TBX22: variants seen among roughly 807,000 people sequenced by gnomAD.
The protein encoded by TBX22 is T-box transcription factor TBX22.
In TBX22, 8 loss-of-function variants were observed where a neutral mutation model predicts 30.1. The observed-to-expected ratio is 0.27, with a 90% CI of 0.16 to 0.48. The LOEUF is 0.48. Among genes scored for constraint, TBX22 ranks in the 20% least tolerant of loss-of-function variants. The pLI is 0.99. For synonymous variants in TBX22, 173 were observed against 149.1 expected, an observed-to-expected ratio of 1.16 and a Z score of -1.17; for missense variants, 463 against 400.5, an observed-to-expected ratio of 1.16 and a Z score of -1.33.
intron 1 of TBX22, among the ~76,000 whole-genome samples, chrX:80,017,280 T>TTGTGTGTG (rs3048747): frequency 0.03 from 2,809 of 93,903 alleles, 115 homozygotes; most frequent in African/African-American, 0.11. Context: ...GGTGTTGTTT[T>TTGTGTGTG]TGTGTGTGTG....
At position 80,031,027 on chromosome X, in the gene TBX22, A is replaced by C; in HGVS notation, c.1479A>C (p.Lys493Asn). ...TGATAAGTGGTTCCAACCATCTTAAAGTGAATGACGACAGTCAAGTTTCTT... is the reference window on the plus strand; with the variant it reads ...TGATAAGTGGTTCCAACCATCTTAACGTGAATGACGACAGTCAAGTTTCTT... ...SRLISGSNHL[K>N]VNDDSQVSFG... is the part of the protein sequence containing the mutation. Residue 493 changes from lysine to asparagine, a missense_variant, in exon 9 of 9, where the codon AAA becomes AAC. By Grantham distance (94) the Lys-to-Asn change is moderately conservative. Transcript: ENST00000373296. 8.3e-7 allele frequency: 1 copy of C among 1,211,466 alleles called. No homozygotes were observed. Among genetic ancestry groups the C allele is most frequent in the Non-Finnish European group, 1.1e-6 (1 of 894,924 alleles).
At chrX:80,025,094 G>C (rs1015011544) in intron 4 of TBX22, among the ~76,000 whole-genome samples, 1 of 112,235 alleles carries the variant, frequency 8.9e-6, no homozygotes, top group Non-Finnish European at 1.9e-5. Flanking sequence ...TTGGGAATAA[G>C]AGCAAAACTG....
intron 5 of TBX22, among the ~76,000 whole-genome samples, chrX:80,026,007 A>G (rs1037048502): frequency 1.8e-5 from 2 of 111,638 alleles, no homozygotes; most frequent in Non-Finnish European, 3.8e-5. Flanking sequence ...GTTTGAGGAC[A>G]GAAGGAGACC....
chrX:80,016,294 A>G (rs1923432677), intron 1 of TBX22, among the ~76,000 whole-genome samples: 1 of 111,784 alleles, frequency 8.9e-6, no homozygotes, highest in South Asian at 3.8e-4. Flanking sequence ...TGGTGGGCCC[A>G]ATGGAGTTCA....
rs1473335363 is a variant in TBX22, at chrX:80,027,329, C to T, written c.863+9C>T. The T allele has an allele frequency of 1.0e-6, 1 of 986,918 alleles. No individual in the cohort carries two copies. The highest frequency in any genetic ancestry group is 1.9e-5 in the African/African-American group (1 of 52,876). 81.3% of individuals were successfully genotyped at this position (986,918 alleles called of 1,213,427 possible). A position where few individuals can be genotyped will look rare whatever the true frequency, so the allele number is the denominator to read the frequency against. ...GATACTGGAAGAAACAGGTAAGCAGCATAGCAATGACATCTAATATTGATG... is the reference window on the plus strand; with the variant it reads ...GATACTGGAAGAAACAGGTAAGCAGTATAGCAATGACATCTAATATTGATG... On this transcript the variant is annotated intron_variant, in intron 7 of 8. Coordinates refer to ENST00000373296, the MANE Select transcript of TBX22 (RefSeq NM_001109878.2).
intron 1 of TBX22, among the ~76,000 whole-genome samples, chrX:80,019,760 A>G (rs1018021536): frequency 8.9e-6 from 1 of 111,864 alleles, no homozygotes; most frequent in Non-Finnish European, 1.9e-5. Flanking sequence ...ATTTTAGTCT[A>G]GTACATACAA....
chrX:80,027,722 G>T (rs1924049175), intron 7 of TBX22, among the ~76,000 whole-genome samples: 1 of 111,768 alleles, frequency 8.9e-6, no homozygotes. Context: ...AGACTCAAAA[G>T]CTCTAAGTTT....
chrX:80,026,678 A>G, intron 5 of TBX22, 26 bp from the exon 6 acceptor site: 1 of 1,209,295 alleles, frequency 8.3e-7, no homozygotes. Context: ...CAGTTTTTCT[A>G]ACAGCATTGA....
chrX:80,024,192 A>G (rs768372063), intron 4 of TBX22, 28 bp downstream of exon 4: 5 of 1,170,442 alleles, frequency 4.3e-6, no homozygotes, highest in East Asian at 3.0e-5. Flanking sequence ...ATGGTACTCT[A>G]TGCCCAGGCT....
chrX:80,020,337 G>GATGAT (rs1923632534), intron 1 of TBX22, among the ~76,000 whole-genome samples: 1 of 96,067 alleles, frequency 1.0e-5, no homozygotes, highest in African/African-American at 4.5e-5. Context: ...TAGATAGATA[G>GATGAT]ACAGATAGAT....
Position 80,028,007 on chromosome X carries a change from C to A in TBX22, c.880C>A (p.Leu294Ile). 1.7e-6 allele frequency: 2 copies of A among 1,209,676 alleles called. No individual in the cohort carries two copies. The highest frequency in any genetic ancestry group is 3.0e-5 in the East Asian group (1 of 33,824). ...TGRNRGVLDG[L>I]LETYPWRPSF... ...CTTTTTTAGGGGTGTATTGGATGGGCTTTTAGAGACCTACCCATGGAGGCC... is the reference window on the plus strand; with the variant it reads ...CTTTTTTAGGGGTGTATTGGATGGGATTTTAGAGACCTACCCATGGAGGCC... Residue 294 changes from leucine (L) to isoleucine (I), a missense_variant, in exon 8 of 9, where the codon CTT (leucine) becomes ATT (isoleucine). Transcript: ENST00000373296.
chrX:80,020,517 G>A (rs148611027), intron 1 of TBX22, among the ~76,000 whole-genome samples: 16 of 111,968 alleles, frequency 1.4e-4, no homozygotes, highest in African/African-American at 4.2e-4. Flanking sequence ...TCTAGGATAG[G>A]GACAGTGTCT....
intron 4 of TBX22, 85 bp from the exon 5 acceptor site, chrX:80,025,518 T>C (rs1412330839): frequency 1.3e-6 from 1 of 790,329 alleles, no homozygotes; most frequent in Non-Finnish European, 1.9e-6. Context: ...ACTGGGCTAA[T>C]CTGGAGTGAA....
chrX:80,031,280 G>T lies in TBX22; in HGVS notation c.*169G>T. 2.0e-6 allele frequency: 1 copy of T among 495,777 alleles called. No homozygotes were observed. The highest frequency in any genetic ancestry group is 3.2e-6 in the Non-Finnish European group (1 of 307,842). The allele number at this position is 495,777 out of a possible 1,213,427, so 40.9% of individuals were successfully genotyped here. On this transcript the variant is annotated 3_prime_UTR_variant, in exon 9 of 9. Coordinates refer to ENST00000373296, the MANE Select transcript of TBX22 (RefSeq NM_001109878.2). ...CCTTATCAAATAATATTCATGAAGAGTTGTTTATAATGTCAAATGAAACCT... is the reference window on the plus strand; with the variant it reads ...CCTTATCAAATAATATTCATGAAGATTTGTTTATAATGTCAAATGAAACCT...
chrX:80,016,242 T>A (rs775943729), intron 1 of TBX22, among the ~76,000 whole-genome samples: 4 of 112,065 alleles, frequency 3.6e-5, no homozygotes. Context: ...ATATTGTAAA[T>A]ATCCAGGAGT....
intron 2 of TBX22, 100 bp downstream of exon 2, chrX:80,022,544 A>G: frequency 1.1e-6 from 1 of 890,005 alleles, no homozygotes; most frequent in Non-Finnish European, 1.6e-6. Flanking sequence ...CCACATTAGG[A>G]GCCGCGAGAC....
rs1923746951 is a variant in TBX22, at chrX:80,022,321, A to C, written c.52A>C (p.Arg18=). ...RAFSVEALVG[R]PSKRKLQDPI... ...CTTCTCCGTGGAAGCCTTGGTGGGGAGACCCAGCAAAAGAAAACTCCAAGA... is the reference window on the plus strand; with the variant it reads ...CTTCTCCGTGGAAGCCTTGGTGGGGCGACCCAGCAAAAGAAAACTCCAAGA... The change falls in exon 2 of 9, where the codon AGA becomes CGA. Residue 18 remains arginine, a synonymous_variant. Coordinates refer to ENST00000373296, the MANE Select transcript of TBX22 (RefSeq NM_001109878.2). The C allele has an allele frequency of 8.3e-7, 1 of 1,209,176 alleles. No homozygotes were observed. The highest frequency in any genetic ancestry group is 1.1e-6 in the Non-Finnish European group (1 of 894,991).
At chrX:80,028,215 G>T (rs1924075993) in intron 8 of TBX22, 139 bp downstream of exon 8, 2 of 519,829 alleles carry the variant, frequency 3.8e-6, no homozygotes, top group Non-Finnish European at 3.2e-6. Flanking sequence ...GTGTACATTT[G>T]CCTGAATGAC....
chrX:80,022,320 G>A lies in TBX22; in HGVS notation c.51G>A (p.Gly17=). 1.7e-6 allele frequency: 2 copies of A among 1,211,476 alleles called. No individual in the cohort carries two copies. The highest frequency in any genetic ancestry group is 2.2e-6 in the Non-Finnish European group (2 of 895,406). Residue 17 remains glycine, a synonymous_variant, in exon 2 of 9, where the codon GGG becomes GGA. Transcript: ENST00000373296. Reference sequence around the variant, plus strand: ...CCTTCTCCGTGGAAGCCTTGGTGGGGAGACCCAGCAAAAGAAAACTCCAAG... The same window carrying A: ...CCTTCTCCGTGGAAGCCTTGGTGGGAAGACCCAGCAAAAGAAAACTCCAAG... ...ARAFSVEALV[G]RPSKRKLQDP... is the part of the protein sequence containing the mutation.
Sources: allele counts gnomAD v4.1 joint callset (sites outside exome capture counted in the v4.1 genomes callset), GRCh38; gene constraint gnomAD v4.1.1; transcripts MANE v1.5; gene names NCBI Gene and HGNC (gene_info 2026-07-23, HGNC 2026-07-21).